C3orf20: variants seen among roughly 807,000 people sequenced by gnomAD.
C3orf20 encodes the protein family with sequence similarity 149 member C.
C3orf20 carries 76 observed loss-of-function variants against 88.3 expected under a neutral mutation model. The observed-to-expected ratio is 0.86, with a 90% confidence interval of 0.72 to 1.04. The LOEUF (loss-of-function observed/expected upper bound fraction) is 1.04, where lower values mean the gene tolerates loss of function less well. Among genes scored for constraint, C3orf20 ranks in the 50% least tolerant of loss-of-function variants. C3orf20 has a pLI of 0.00. For synonymous variants in C3orf20, 436 were observed against 437.4 expected (o/e 1.00, Z 0.04); for missense variants, 1,056 against 1,123.3 (o/e 0.94, Z 0.86).
Position 14,731,002 on chromosome 3 carries a change from T to C in C3orf20, c.1940+2314T>C, listed in dbSNP as rs141874428. Among the ~76,000 whole-genome samples, 655 of 152,320 alleles carry C rather than the reference T, an allele frequency of 4.3e-3. 2 individuals are homozygous for C. The highest frequency in any genetic ancestry group is 6.8e-3 in the Middle Eastern group (2 of 294). On this transcript the variant is annotated intron_variant, in intron 12 of 16. Transcript: ENST00000253697. ...CTTTCCAAGACCCACAGTGGATGTC[T>C]GAAACTGTGAACAGTACCAAGCCCT...
intron 7 of C3orf20, among the ~76,000 whole-genome samples, chr3:14,709,584 A>T (rs945695053): frequency 5.3e-5 from 8 of 152,100 alleles, no homozygotes; most frequent in Non-Finnish European, 7.4e-5. Flanking sequence ...ATGAAAGGGT[A>T]TTGAATTTTG....
rs181734794 is a variant in C3orf20, at chr3:14,695,666, G to A, written c.745+5550G>A. 4.6e-5 allele frequency among the ~76,000 whole-genome samples: 7 copies of A among 152,020 alleles called. No individual in the cohort carries two copies. In the East Asian group the frequency reaches 1.2e-3, roughly 25 times the overall value. The stretch of plus-strand genomic sequence containing the variant: ...TAATAATATTTGCTTTATACGTCTG[G>A]CTGCTCCAGTGTTGGGTATATATAT... On this transcript the variant is annotated intron_variant, in intron 5 of 16. Coordinates refer to ENST00000253697, the MANE Select transcript of C3orf20 (RefSeq NM_032137.5).
intron 5 of C3orf20, among the ~76,000 whole-genome samples, chr3:14,699,373 C>T (rs2033149616): frequency 6.6e-6 from 1 of 152,218 alleles, no homozygotes; most frequent in African/African-American, 2.4e-5. Context: ...TCTCCTGAAG[C>T]CAGCATGTCT....
At chr3:14,750,589 T>A (rs1020323420) in intron 12 of C3orf20, among the ~76,000 whole-genome samples, 2 of 151,198 alleles carry the variant, frequency 1.3e-5, no homozygotes, top group Admixed American at 1.3e-4. Context: ...GCTGACAAGG[T>A]TTTTTTTTCT....
intron 5 of C3orf20, among the ~76,000 whole-genome samples, chr3:14,697,714 C>CG (rs34491710): frequency 7.5e-6 from 1 of 132,992 alleles, no homozygotes; most frequent in Non-Finnish European, 1.6e-5. Context: ...CCCCAACCCC[C>CG]CTGCTGCCAA....
Position 14,772,042 on chromosome 3 carries a change from G to A in C3orf20, c.2496-25G>A. The A allele has an allele frequency of 2.5e-6, 4 of 1,613,942 alleles. No homozygotes were observed. In the East Asian group the frequency reaches 6.7e-5, roughly 27 times the overall value. ...CAGTGCACCCTGGGCCCTGAGCACTGCCCCCGACCCTGCCTCCCCTGCAGT... is the reference window on the plus strand; with the variant it reads ...CAGTGCACCCTGGGCCCTGAGCACTACCCCCGACCCTGCCTCCCCTGCAGT... On this transcript the variant is annotated intron_variant, in intron 15 of 16. Coordinates refer to ENST00000253697, the MANE Select transcript of C3orf20 (RefSeq NM_032137.5). This position sits in a 1 kb window ranked among gnomAD's most constrained non-coding sequence, Gnocchi z 4.2.
intron 12 of C3orf20, among the ~76,000 whole-genome samples, chr3:14,729,000 G>A (rs1378417668): frequency 1.3e-5 from 2 of 152,130 alleles, no homozygotes; most frequent in Admixed American, 1.3e-4. Flanking sequence ...AAAAAAATGA[G>A]AAGATTTCAT....
rs906638820 is a variant in C3orf20, at chr3:14,719,129, T to G, written c.1435-2524T>G. On this transcript the variant is annotated intron_variant, in intron 9 of 16. Transcript: ENST00000253697. ...CTTCATAGCCTTTGGGTCATTGTTTTTTTTTTTTTTTTTAATTTTTTCAAG... is the reference window on the plus strand; with the variant it reads ...CTTCATAGCCTTTGGGTCATTGTTTGTTTTTTTTTTTTTAATTTTTTCAAG... 6.0e-4 allele frequency among the ~76,000 whole-genome samples: 91 copies of G among 151,946 alleles called. 1 individual carries two copies. In the South Asian group the frequency reaches 9.1e-3, roughly 15 times the overall value.
intron 7 of C3orf20, among the ~76,000 whole-genome samples, chr3:14,713,513 A>G (rs567953578): frequency 4.6e-5 from 7 of 152,276 alleles, no homozygotes; most frequent in Admixed American, 1.3e-4. Flanking sequence ...CATTACCTGT[A>G]CTCCTTGATT....
chr3:14,718,355 G>T (rs997814103), intron 9 of C3orf20, among the ~76,000 whole-genome samples: 1 of 151,940 alleles, frequency 6.6e-6, no homozygotes, highest in Non-Finnish European at 1.5e-5. Flanking sequence ...TAAAATTTCA[G>T]ATTTACATAT....
In C3orf20 at chr3:14,683,075, C is replaced by T; in HGVS notation, c.362C>T (p.Pro121Leu). 2 of 1,611,918 alleles carry T rather than the reference C, an allele frequency of 1.2e-6. No homozygotes were observed. The highest frequency in any genetic ancestry group is 2.2e-5 in the South Asian group (2 of 90,750). The change falls in exon 3 of 17, where the codon CCC becomes CTC. Residue 121 changes from proline (P) to leucine (L), a missense_variant. Pro to Leu is a moderately conservative substitution (Grantham distance 98). Transcript: ENST00000253697. Reference sequence around the variant, plus strand: ...GCAGCCAAGCGCTCCACCCTCTCTCCCACCATGGCCCGTCAGGTGCGCACC... The same window carrying T: ...GCAGCCAAGCGCTCCACCCTCTCTCTCACCATGGCCCGTCAGGTGCGCACC... ...TGAAKRSTLS[P>L]TMARQVRTHQ...
At chr3:14,688,324 G>T (rs1454330118) in intron 4 of C3orf20, among the ~76,000 whole-genome samples, 1 of 151,570 alleles carries the variant, frequency 6.6e-6, no homozygotes, top group Non-Finnish European at 1.5e-5. Flanking sequence ...GAGGCCAGGA[G>T]TTCAAGACCA....
chr3:14,678,284 G>T (rs941456070), intron 1 of C3orf20, among the ~76,000 whole-genome samples: 1 of 152,226 alleles, frequency 6.6e-6, no homozygotes, highest in South Asian at 2.1e-4. Context: ...GTGGGGACTA[G>T]TGTCACACGT....
chr3:14,763,127 G>A lies in C3orf20; in HGVS notation c.2495+1512G>A, dbSNP rs140934056. On this transcript the variant is annotated intron_variant, in intron 15 of 16. Coordinates refer to ENST00000253697, the MANE Select transcript of C3orf20 (RefSeq NM_032137.5). ...CAAGGGCAGGACAGGACAGGGGGACGCTATTGGGAAGGGCCCAGGCTGAAG... is the reference window on the plus strand; with the variant it reads ...CAAGGGCAGGACAGGACAGGGGGACACTATTGGGAAGGGCCCAGGCTGAAG... Among the ~76,000 whole-genome samples the A allele has an allele frequency of 1.1e-4, 17 of 152,326 alleles. No homozygotes were observed. The East Asian group carries it at 3.1e-3, about 28-fold the overall frequency.
chr3:14,760,459 A>G (rs1047708421), intron 14 of C3orf20, among the ~76,000 whole-genome samples: 17 of 152,262 alleles, frequency 1.1e-4, no homozygotes, highest in African/African-American at 4.1e-4. Context: ...ACCACATGCT[A>G]ACATTTTGGT....
At chr3:14,683,320 C>T (rs1178845294) in intron 3 of C3orf20, 123 bp downstream of exon 3, 7 of 1,252,754 alleles carry the variant, frequency 5.6e-6, no homozygotes, top group Admixed American at 2.9e-5. Flanking sequence ...CTTCCCTCTG[C>T]GGCTCCTGGA....
chr3:14,683,299 G>A (rs2032210738), intron 3 of C3orf20, 102 bp downstream of exon 3: 3 of 1,417,836 alleles, frequency 2.1e-6, no homozygotes, highest in Non-Finnish European at 2.8e-6. Context: ...TCTGCTGTAG[G>A]AATTGGATGC....
chr3:14,682,673 C>A lies in C3orf20; in HGVS notation c.-41C>A. ...GTAGGGAAGAACTTTTGCTCTCAGT[C>A]ACCTCTCAGAGAGCTCTCTTTATAG... On this transcript the variant is annotated 5_prime_UTR_variant, in exon 3 of 17. Coordinates refer to ENST00000253697, the MANE Select transcript of C3orf20 (RefSeq NM_032137.5). The A allele has an allele frequency of 6.4e-7, 1 of 1,554,662 alleles. No homozygotes were observed. The highest frequency in any genetic ancestry group is 1.2e-5 in the South Asian group (1 of 80,392).
chr3:14,714,732 T>G (rs900891393), intron 8 of C3orf20, among the ~76,000 whole-genome samples: 4 of 152,152 alleles, frequency 2.6e-5, no homozygotes, highest in African/African-American at 9.7e-5. Context: ...GCCTCCTGGG[T>G]TAGCTGGGAC....
Sources: allele counts gnomAD v4.1 joint callset (sites outside exome capture counted in the v4.1 genomes callset), GRCh38; gene constraint gnomAD v4.1.1; non-coding constraint Gnocchi (gnomAD v3.1); transcripts MANE v1.5; gene names NCBI Gene and HGNC (gene_info 2026-07-23, HGNC 2026-07-21).